Variants in POFUT3 observed in about 807,000 individuals in gnomAD.
POFUT3 encodes the protein GDP-fucose protein O-fucosyltransferase 3.
chr8:33,389,128 G>A, the POFUT3 span: 3 of 1,614,024 alleles, frequency 1.9e-6, no homozygotes, highest in Non-Finnish European at 8.5e-7. Flanking sequence ...ATTCTACATA[G>A]GCCTCATACA....
At chr8:33,367,462 TAATA>T in the POFUT3 span, among the ~76,000 whole-genome samples, 3 of 152,332 alleles carry the variant, frequency 2.0e-5, no homozygotes, top group Non-Finnish European at 2.9e-5. Flanking sequence ...GGCTTGCTGT[TAATA>T]AATACGTGGG....
chr8:33,404,532 G>A, the POFUT3 span, among the ~76,000 whole-genome samples: 1 of 152,098 alleles, frequency 6.6e-6, no homozygotes, highest in African/African-American at 2.4e-5. Context: ...GACATCTTCA[G>A]TAACAAGTTG....
the POFUT3 span, among the ~76,000 whole-genome samples, chr8:33,414,855 G>A: frequency 6.6e-5 from 10 of 151,892 alleles, no homozygotes; most frequent in South Asian, 1.9e-3. Flanking sequence ...GGGTAAGGAG[G>A]GCACTAAGCT....
chr8:33,410,396 A>G, the POFUT3 span, among the ~76,000 whole-genome samples: 2 of 152,134 alleles, frequency 1.3e-5, no homozygotes, highest in Non-Finnish European at 2.9e-5. Flanking sequence ...ATGCACTGCA[A>G]ATAGCTGGCA....
chr8:33,461,952 G>A, the POFUT3 span, among the ~76,000 whole-genome samples: 1 of 151,266 alleles, frequency 6.6e-6, no homozygotes, highest in Non-Finnish European at 1.5e-5. Context: ...TTGAGGTCAG[G>A]AGTTTGAGAC....
chr8:33,424,922 C>G, the POFUT3 span, among the ~76,000 whole-genome samples: 1 of 152,338 alleles, frequency 6.6e-6, no homozygotes, highest in Admixed American at 6.5e-5. Flanking sequence ...ACAGATTCAA[C>G]AGTGAGCAAA....
the POFUT3 span, among the ~76,000 whole-genome samples, chr8:33,321,500 C>G: frequency 6.6e-6 from 1 of 152,092 alleles, no homozygotes; most frequent in Non-Finnish European, 1.5e-5. Context: ...ACTTTGGCTT[C>G]TCGCAGCAGG....
chr8:33,461,607 T>A, the POFUT3 span: 1 of 1,533,388 alleles, frequency 6.5e-7, no homozygotes, highest in Non-Finnish European at 8.7e-7. Flanking sequence ...CATGAAGGAC[T>A]GAGATCCGAG....
At chr8:33,379,657 G>A in the POFUT3 span, among the ~76,000 whole-genome samples, 207 of 151,248 alleles carry the variant, frequency 1.4e-3, no homozygotes, top group Middle Eastern at 0.01. Context: ...CCAACATGGC[G>A]AAACCCTGTC....
the POFUT3 span, among the ~76,000 whole-genome samples, chr8:33,322,325 T>C: frequency 2.0e-5 from 3 of 152,122 alleles, no homozygotes; most frequent in Admixed American, 2.0e-4. Flanking sequence ...AAGCTGCTCC[T>C]GAAAATGAAT....
the POFUT3 span, chr8:33,436,589 C>T: frequency 1.1e-6 from 1 of 900,980 alleles, no homozygotes; most frequent in African/African-American, 1.6e-5. Flanking sequence ...TGCACAAAGC[C>T]ATAATTCTTA....
the POFUT3 span, among the ~76,000 whole-genome samples, chr8:33,360,283 A>G: frequency 9.9e-4 from 151 of 152,026 alleles, no homozygotes; most frequent in African/African-American, 3.5e-3. Context: ...TCTCTGCTAA[A>G]AATACAAAAA....
chr8:33,322,710 G>T, the POFUT3 span, among the ~76,000 whole-genome samples: 2 of 152,160 alleles, frequency 1.3e-5, no homozygotes, highest in Non-Finnish European at 2.9e-5. Context: ...TCAGAGCTGA[G>T]CTGCAAATGC....
At chr8:33,352,149 C>T in the POFUT3 span, among the ~76,000 whole-genome samples, 2 of 152,174 alleles carry the variant, frequency 1.3e-5, no homozygotes, top group Non-Finnish European at 2.9e-5. Flanking sequence ...AGGGTGAAGC[C>T]ACAGTCACTG....
chr8:33,448,734 G>C, the POFUT3 span, among the ~76,000 whole-genome samples: 1 of 152,100 alleles, frequency 6.6e-6, no homozygotes, highest in Non-Finnish European at 1.5e-5. Context: ...AGGAGTTCAA[G>C]ACCAGCCTGG....
the POFUT3 span, among the ~76,000 whole-genome samples, chr8:33,438,422 A>G: frequency 6.6e-6 from 1 of 152,190 alleles, no homozygotes; most frequent in Non-Finnish European, 1.5e-5. Flanking sequence ...TACAAAAAAA[A>G]TTAAAAATTA....
the POFUT3 span, chr8:33,473,118 A>C: frequency 6.6e-6 from 1 of 152,094 alleles, no homozygotes. Flanking sequence ...CTTTCTCCCT[A>C]TGAGCCCAAG....
chr8:33,309,277 G>T, the POFUT3 span, among the ~76,000 whole-genome samples: 4 of 136,794 alleles, frequency 2.9e-5, no homozygotes, highest in Admixed American at 8.1e-5. Flanking sequence ...ATATCAATTT[G>T]CTTATTATAT....
chr8:33,461,684 G>A, the POFUT3 span: 55 of 1,470,080 alleles, frequency 3.7e-5, no homozygotes, highest in Non-Finnish European at 5.0e-5. Flanking sequence ...TATCATCAGA[G>A]CAGCTGGAGA....
Sources: gnomAD v4.1 joint callset for allele counts (sites outside exome capture counted in the v4.1 genomes callset) on GRCh38, gnomAD v4.1.1 for gene constraint, MANE v1.5 for transcripts, NCBI Gene and HGNC (gene_info 2026-07-23, HGNC 2026-07-21) for gene names.